Variants in USP46 observed in about 807,000 individuals in gnomAD.
USP46 encodes the protein ubiquitin specific peptidase 46, also known as ubiquitin carboxyl-terminal hydrolase 46.
Under a neutral mutation model 44.4 loss-of-function variants are expected in USP46, and 12 were observed. The observed-to-expected ratio is 0.27, with a 90% CI of 0.17 to 0.44. The LOEUF (loss-of-function observed/expected upper bound fraction) is 0.44, where lower values mean the gene tolerates loss of function less well. USP46 is among the 20% of genes least tolerant of loss of function. The probability of loss-of-function intolerance (pLI) is 1.00; values close to 1 mark genes in which losing one functional copy is unlikely to be tolerated. For synonymous variants in USP46, 155 were observed against 161.5 expected (o/e 0.96, Z 0.31); for missense variants, 248 against 444.8 (o/e 0.56, Z 3.98).
chr4:52,659,204 G>T lies in USP46; in HGVS notation c.-54C>A. 6.7e-7 allele frequency: 1 copy of T among 1,496,534 alleles called. No homozygotes were observed. Among genetic ancestry groups the T allele is most frequent in the Admixed American group, 2.2e-5 (1 of 45,896 alleles). The allele number at this position is 1,496,534 out of a possible 1,614,324, so 92.7% of individuals were successfully genotyped here. A position where few individuals can be genotyped will look rare whatever the true frequency, so the allele number is the denominator to read the frequency against. ...CGCCATCTTTACAAGGGGAAACCGG[G>T]ACTGCCCATGGTGGCGCGCTGGCGG... On this transcript the variant is annotated 5_prime_UTR_variant, in exon 1 of 9. Coordinates refer to ENST00000441222, the MANE Select transcript of USP46 (RefSeq NM_022832.4). This position sits in a 1 kb window ranked among gnomAD's most constrained non-coding sequence, Gnocchi z 4.2.
At chr4:52,639,954 C>T (rs1412005970) in intron 1 of USP46, among the ~76,000 whole-genome samples, 2 of 150,186 alleles carry the variant, frequency 1.3e-5, no homozygotes, top group African/African-American at 2.5e-5. Context: ...ATCCTTTCCC[C>T]TTGACCTCCT....
chr4:52,645,172 C>A (rs1411692968), intron 1 of USP46, among the ~76,000 whole-genome samples: 1 of 151,102 alleles, frequency 6.6e-6, no homozygotes, highest in East Asian at 1.9e-4. Context: ...TTGCAGTGAG[C>A]CGAGATCGCG....
rs1006434908 is a variant in USP46 at position 52,596,149 on chromosome 4, G to A, written c.*1491C>T. 2 of 152,614 alleles carry A rather than the reference G, an allele frequency of 1.3e-5. No homozygotes were observed. The highest frequency in any genetic ancestry group is 2.9e-5 in the Non-Finnish European group (2 of 68,038). 9.5% of individuals were successfully genotyped at this position (152,614 alleles called of 1,614,324 possible). A position where few individuals can be genotyped will look rare whatever the true frequency, so the allele number is the denominator to read the frequency against. Reference sequence around the variant, plus strand: ...GAAATCCAGTTTTCATCTAGATAAAGTGCTATCCTCTTCATTGTTGCAAAA... The same window carrying A: ...GAAATCCAGTTTTCATCTAGATAAAATGCTATCCTCTTCATTGTTGCAAAA... On this transcript the variant is annotated 3_prime_UTR_variant, in exon 9 of 9. Transcript: ENST00000441222.
intron 1 of USP46, among the ~76,000 whole-genome samples, chr4:52,651,403 T>C (rs1214242812): frequency 6.6e-6 from 1 of 152,080 alleles, no homozygotes; most frequent in Non-Finnish European, 1.5e-5. Context: ...AGAGTCTAAA[T>C]TTTTAATAAG....
intron 4 of USP46, 121 bp from the exon 5 acceptor site, chr4:52,610,738 G>T (rs1716907076): frequency 3.4e-6 from 3 of 887,684 alleles, no homozygotes; most frequent in Non-Finnish European, 5.3e-6. Flanking sequence ...GTCCTGCATG[G>T]ACATGTATAC....
intron 1 of USP46, among the ~76,000 whole-genome samples, chr4:52,632,567 T>C (rs1043400668): frequency 1.3e-5 from 2 of 152,090 alleles, no homozygotes; most frequent in African/African-American, 4.8e-5. Context: ...ACACCTGTAA[T>C]TCCAGCACTT....
At chr4:52,641,547 G>A (rs543980528) in intron 1 of USP46, among the ~76,000 whole-genome samples, 14 of 152,290 alleles carry the variant, frequency 9.2e-5, no homozygotes, top group African/African-American at 1.4e-4. Flanking sequence ...TTCCTTGGTC[G>A]AGGGGTAAAG....
chr4:52,627,023 T>C (rs1717621332), intron 3 of USP46, among the ~76,000 whole-genome samples: 1 of 152,192 alleles, frequency 6.6e-6, no homozygotes, highest in Non-Finnish European at 1.5e-5. Flanking sequence ...AGGGTATGTG[T>C]GAGCAAGCAT....
At chr4:52,644,759 C>A (rs1175021553) in intron 1 of USP46, among the ~76,000 whole-genome samples, 5 of 142,764 alleles carry the variant, frequency 3.5e-5, no homozygotes, top group East Asian at 4.2e-4. Flanking sequence ...AAAAAAAAAA[C>A]CTCTGAAAAA....
At chr4:52,647,977 A>G (rs557032131) in intron 1 of USP46, among the ~76,000 whole-genome samples, 1 of 152,338 alleles carries the variant, frequency 6.6e-6, no homozygotes, top group South Asian at 2.1e-4. Context: ...GAAAGTGGTA[A>G]TGCAATGCCC....
chr4:52,599,750 CCT>C (rs1355000892), intron 7 of USP46, among the ~76,000 whole-genome samples: 7 of 152,040 alleles, frequency 4.6e-5, no homozygotes, highest in South Asian at 2.1e-4. Flanking sequence ...CAAACTTCCC[CCT>C]CTGTTTACCC....
At chr4:52,651,300 G>A (rs915789841) in intron 1 of USP46, among the ~76,000 whole-genome samples, 1 of 151,978 alleles carries the variant, frequency 6.6e-6, no homozygotes, top group Admixed American at 6.6e-5. Flanking sequence ...GAATGTGGAG[G>A]GAGTAGAAGG....
chr4:52,601,840 T>G lies in USP46; in HGVS notation c.920+17A>C. ...CTTACACTTACCCTGTATACCTGCTTCCAGTCTTGCCCTTACCTGCCACAG... is the reference window on the plus strand; with the variant it reads ...CTTACACTTACCCTGTATACCTGCTGCCAGTCTTGCCCTTACCTGCCACAG... On this transcript the variant is annotated intron_variant, in intron 7 of 8. Coordinates refer to ENST00000441222, the MANE Select transcript of USP46 (RefSeq NM_022832.4). The G allele has an allele frequency of 1.2e-6, 2 of 1,610,392 alleles. No homozygotes were observed. The highest frequency in any genetic ancestry group is 1.7e-6 in the Non-Finnish European group (2 of 1,178,574).
At chr4:52,630,878 T>C (rs924181511) in intron 2 of USP46, among the ~76,000 whole-genome samples, 186 bp downstream of exon 2, 1 of 152,176 alleles carries the variant, frequency 6.6e-6, no homozygotes, top group Non-Finnish European at 1.5e-5. Context: ...AATTAAATGT[T>C]TTTTGCTGGG....
In USP46 at chr4:52,645,081, C is replaced by T. The variant is rs146546986; in HGVS notation, c.37-13937G>A. The stretch of plus-strand genomic sequence containing the variant: ...CAAAACAACAACAACAAAAATTAGC[C>T]GGACATGGTGGCATGCACCTATAAT... On this transcript the variant is annotated intron_variant, in intron 1 of 8. Transcript: ENST00000441222. Among the ~76,000 whole-genome samples the T allele has an allele frequency of 2.0e-3, 305 of 151,834 alleles. 1 individual carries two copies. The highest frequency in any genetic ancestry group is 6.6e-3 in the African/African-American group (274 of 41,388).
chr4:52,597,408 A>G lies in USP46; in HGVS notation c.*232T>C. 2.3e-6 allele frequency: 1 copy of G among 444,078 alleles called. No homozygotes were observed. The highest frequency in any genetic ancestry group is 4.0e-6 in the Non-Finnish European group (1 of 250,800). 27.5% of individuals were successfully genotyped at this position (444,078 alleles called of 1,614,324 possible). A position where few individuals can be genotyped will look rare whatever the true frequency, so the allele number is the denominator to read the frequency against. On this transcript the variant is annotated 3_prime_UTR_variant, in exon 9 of 9. Coordinates refer to ENST00000441222, the MANE Select transcript of USP46 (RefSeq NM_022832.4). Reference sequence around the variant, plus strand: ...GTCCTAAAATTAGCAACCGTTATTCATATAAATCAGACTACAATCTGATTG... The same window carrying G: ...GTCCTAAAATTAGCAACCGTTATTCGTATAAATCAGACTACAATCTGATTG...
chr4:52,628,713 C>T (rs1404276826), intron 2 of USP46, among the ~76,000 whole-genome samples: 2 of 152,220 alleles, frequency 1.3e-5, no homozygotes, highest in Admixed American at 6.5e-5. Context: ...CACATTTCCT[C>T]ACTTAACCCC....
chr4:52,644,784 G>T (rs1046466453), intron 1 of USP46, among the ~76,000 whole-genome samples: 1 of 149,942 alleles, frequency 6.7e-6, no homozygotes, highest in African/African-American at 2.5e-5. Context: ...TTGGCCAGGC[G>T]CAGTGGCTCA....
intron 1 of USP46, among the ~76,000 whole-genome samples, chr4:52,639,869 T>G (rs1213842313): frequency 3.8e-4 from 57 of 148,252 alleles, no homozygotes; most frequent in African/African-American, 1.3e-3. Flanking sequence ...GGTTTTTTTT[T>G]TTTTTTTTTT....
Sources: allele counts gnomAD v4.1 joint callset (sites outside exome capture counted in the v4.1 genomes callset), GRCh38; gene constraint gnomAD v4.1.1; non-coding constraint Gnocchi (gnomAD v3.1); transcripts MANE v1.5; gene names NCBI Gene and HGNC (gene_info 2026-07-23, HGNC 2026-07-21).